CLYBL: variants seen among roughly 807,000 people sequenced by gnomAD.
CLYBL encodes citramalyl-CoA lyase, also known as citramalyl-CoA lyase, mitochondrial.
Under a neutral mutation model 38.9 loss-of-function variants are expected in CLYBL, and 31 were observed. The ratio of observed to expected loss-of-function variants is 0.80; its 90% CI spans 0.60 to 1.08. CLYBL has a LOEUF of 1.08. Among genes scored for constraint, CLYBL ranks in the 50% least tolerant of loss-of-function variants. The pLI is 0.00. For synonymous variants in CLYBL, 171 were observed against 158.6 expected, an observed-to-expected ratio of 1.08 and a Z score of -0.59; for missense variants, 434 against 411.6, an observed-to-expected ratio of 1.05 and a Z score of -0.47.
chr13:99,686,779 C>T (rs554269360), intron 1 of CLYBL, among the ~76,000 whole-genome samples: 3 of 152,200 alleles, frequency 2.0e-5, no homozygotes, highest in Admixed American at 6.5e-5. Context: ...CAGCATTGAA[C>T]GAATAGCATC....
chr13:99,620,329 C>A (rs569708893), intron 1 of CLYBL, among the ~76,000 whole-genome samples: 151 of 152,324 alleles, frequency 9.9e-4, no homozygotes, highest in Non-Finnish European at 1.9e-3. Context: ...AACCCTCAAG[C>A]TGGCTTGCAA....
At chr13:99,901,500 G>A (rs540160425), downstream of CLYBL, among the ~76,000 whole-genome samples, 4 of 152,034 alleles carry the variant, frequency 2.6e-5, no homozygotes, top group Non-Finnish European at 4.4e-5. Flanking sequence ...GAGAGACCCC[G>A]AGAGAGACCC....
intron 2 of CLYBL, among the ~76,000 whole-genome samples, chr13:99,832,501 T>A (rs535355407): frequency 6.6e-6 from 1 of 152,302 alleles, no homozygotes; most frequent in Admixed American, 6.5e-5. Context: ...AGTGATAAGA[T>A]CTGATGGGGT....
intron 8 of CLYBL, among the ~76,000 whole-genome samples, chr13:99,902,428 A>G (rs1336185159): frequency 1.3e-5 from 2 of 152,342 alleles, no homozygotes; most frequent in Middle Eastern, 3.4e-3. Context: ...TAAATAGCCA[A>G]TGAATGGGCT....
downstream of CLYBL, chr13:99,895,472 G>GCGGGGA (rs2052563102): frequency 6.6e-6 from 1 of 152,110 alleles, no homozygotes; most frequent in African/African-American, 2.4e-5. Context: ...TTCGCGGGGA[G>GCGGGGA]GCGGGAGGCA....
intron 1 of CLYBL, among the ~76,000 whole-genome samples, chr13:99,625,610 C>T (rs1594089270): frequency 6.6e-6 from 1 of 152,190 alleles, no homozygotes; most frequent in African/African-American, 2.4e-5. Context: ...TTAGGAAGGA[C>T]AAGCCATTTC....
At chr13:99,750,891 A>T (rs748067332) in intron 1 of CLYBL, among the ~76,000 whole-genome samples, 6 of 152,186 alleles carry the variant, frequency 3.9e-5, no homozygotes, top group Non-Finnish European at 8.8e-5. Context: ...CAGCTTAAAA[A>T]TTTTAAAAAT....
intron 1 of CLYBL, among the ~76,000 whole-genome samples, chr13:99,677,606 G>A (rs2047673171): frequency 6.6e-6 from 1 of 152,192 alleles, no homozygotes; most frequent in Admixed American, 6.5e-5. Context: ...AGGATATAGT[G>A]TTCTCTTGGT....
intron 7 of CLYBL, among the ~76,000 whole-genome samples, chr13:99,882,889 A>C (rs9554646): frequency 6.6e-6 from 1 of 151,396 alleles, no homozygotes; most frequent in African/African-American, 2.4e-5. Context: ...CCCTAGATCT[A>C]CCCTTCCCCT....
Position 99,784,502 on chromosome 13 carries a change from T to G in CLYBL, c.249+11492T>G, listed in dbSNP as rs1168193460. On this transcript the variant is annotated intron_variant, in intron 2 of 8. Transcript: ENST00000339105. ...TGGACTCTCACTTTGTTGCTCAGTCTGGAGTGCAGTGGCTCAATCTTGGCT... is the reference window on the plus strand; with the variant it reads ...TGGACTCTCACTTTGTTGCTCAGTCGGGAGTGCAGTGGCTCAATCTTGGCT... 2.0e-5 allele frequency among the ~76,000 whole-genome samples: 3 copies of G among 146,876 alleles called. No homozygotes were observed. The Admixed American group carries it at 2.1e-4, about 10-fold the overall frequency.
Position 99,869,974 on chromosome 13 carries a change from A to C in CLYBL, c.803-964A>C, listed in dbSNP as rs945765928. Among the ~76,000 whole-genome samples the C allele has an allele frequency of 2.0e-5, 3 of 152,094 alleles. No individual in the cohort carries two copies. The highest frequency in any genetic ancestry group is 7.2e-5 in the African/African-American group (3 of 41,440). On this transcript the variant is annotated intron_variant, in intron 6 of 8. Coordinates refer to ENST00000339105, the MANE Select transcript of CLYBL (RefSeq NM_206808.5). This position sits in a 1 kb window ranked among gnomAD's most constrained non-coding sequence, Gnocchi z 4.3. ...TATTAATGATCTGATTGGATTCTAC[A>C]CTTCCCTGATTGTTAAATTGTTTTT...
At chr13:99,824,516 A>G (rs753052023) in intron 2 of CLYBL, among the ~76,000 whole-genome samples, 11 of 152,220 alleles carry the variant, frequency 7.2e-5, no homozygotes, top group Non-Finnish European at 1.5e-4. Context: ...GTTTATAAAC[A>G]CACCTCTTGC....
At chr13:99,847,827 G>C (rs1169675144) in intron 2 of CLYBL, among the ~76,000 whole-genome samples, 1 of 152,220 alleles carries the variant, frequency 6.6e-6, no homozygotes, top group Admixed American at 6.5e-5. Context: ...GCTTCTCAGA[G>C]ATACTTCTCA....
chr13:99,717,032 C>A (rs1298839617), intron 1 of CLYBL, among the ~76,000 whole-genome samples: 1 of 151,706 alleles, frequency 6.6e-6, no homozygotes, highest in East Asian at 2.0e-4. Flanking sequence ...CTCAGGTAAT[C>A]CGCCCACCTT....
intron 2 of CLYBL, among the ~76,000 whole-genome samples, chr13:99,813,340 C>G (rs760115381): frequency 2.6e-5 from 4 of 152,190 alleles, no homozygotes; most frequent in Non-Finnish European, 5.9e-5. Flanking sequence ...TTTTAGATGA[C>G]AGTGCCGTCT....
At chr13:99,877,046 A>T in intron 7 of CLYBL, among the ~76,000 whole-genome samples, 1 of 152,136 alleles carries the variant, frequency 6.6e-6, no homozygotes, top group Non-Finnish European at 1.5e-5. Flanking sequence ...GTTCACTGCA[A>T]ACCCCACTTC....
downstream of CLYBL, among the ~76,000 whole-genome samples, chr13:99,900,698 C>T (rs1405591339): frequency 3.9e-5 from 6 of 152,202 alleles, no homozygotes; most frequent in African/African-American, 9.7e-5. Flanking sequence ...CCTCCTCCCT[C>T]GAGCTCCTCA....
At chr13:99,706,042 C>A (rs1050224541) in intron 1 of CLYBL, among the ~76,000 whole-genome samples, 2 of 152,030 alleles carry the variant, frequency 1.3e-5, no homozygotes, top group African/African-American at 4.8e-5. Flanking sequence ...AGCAATTCTC[C>A]TGCCTCAGCC....
intron 1 of CLYBL, among the ~76,000 whole-genome samples, chr13:99,755,728 G>A (rs1471321598): frequency 6.6e-6 from 1 of 152,190 alleles, no homozygotes; most frequent in Non-Finnish European, 1.5e-5. Context: ...AAGTCTCCCA[G>A]AGGGTGAGTG....
Sources: allele counts gnomAD v4.1 joint callset (sites outside exome capture counted in the v4.1 genomes callset), GRCh38; gene constraint gnomAD v4.1.1; non-coding constraint Gnocchi (gnomAD v3.1); transcripts MANE v1.5; gene names NCBI Gene and HGNC (gene_info 2026-07-23, HGNC 2026-07-21).